Variants in NCALD observed in about 807,000 individuals in gnomAD.
NCALD encodes the protein neurocalcin-delta.
In NCALD, 10 loss-of-function variants were observed where a neutral mutation model predicts 18.6. The ratio of observed to expected loss-of-function variants is 0.54; its 90% CI spans 0.33 to 0.91. The LOEUF is 0.91. Ranked by LOEUF, NCALD falls within the 40% of genes least tolerant of loss-of-function variation. NCALD has a pLI of 0.03. For missense variants in NCALD, 184 were observed against 247.6 expected (o/e 0.74, Z 1.72); for synonymous variants, 88 against 87.4 (o/e 1.01, Z -0.04).
intron 4 of NCALD, among the ~76,000 whole-genome samples, chr8:101,868,899 C>T (rs756364873): frequency 2.0e-5 from 3 of 152,218 alleles, no homozygotes; most frequent in East Asian, 3.9e-4. Context: ...CATTGCTTTG[C>T]TGTGTATTTT....
intron 2 of NCALD, among the ~76,000 whole-genome samples, chr8:101,996,188 TGAAGA>T (rs1821233603): frequency 6.6e-6 from 1 of 152,340 alleles, no homozygotes; most frequent in African/African-American, 2.4e-5. Context: ...TCAGGAGACC[TGAAGA>T]GAATTCTAAA....
At chr8:102,055,994 T>G (rs982005981) in intron 1 of NCALD, among the ~76,000 whole-genome samples, 24 of 152,320 alleles carry the variant, frequency 1.6e-4, no homozygotes, top group African/African-American at 5.8e-4. Flanking sequence ...AGTGATCTTT[T>G]AGAGTGTCAT....
At chr8:101,886,081 G>C (rs919871627) in intron 4 of NCALD, among the ~76,000 whole-genome samples, 2 of 151,682 alleles carry the variant, frequency 1.3e-5, no homozygotes, top group African/African-American at 4.8e-5. Flanking sequence ...ATGCCATGAG[G>C]GAAAAAAAAC....
At position 102,093,361 on chromosome 8, in the gene NCALD, G is replaced by C. The variant is rs546583615; in HGVS notation, c.-210+30876C>G. Among the ~76,000 whole-genome samples, 13 of 152,208 alleles carry C rather than the reference G, an allele frequency of 8.5e-5. No homozygotes were observed. In the South Asian group the frequency reaches 2.1e-3, roughly 24 times the overall value. On this transcript the variant is annotated intron_variant, in intron 1 of 6. Transcript: ENST00000311028. ...TGAAGGGGGTTATCAAATGCATTGA[G>C]AGAACTGACTCAGAGATTGCTAGCT...
intron 1 of NCALD, among the ~76,000 whole-genome samples, chr8:102,083,940 T>C (rs1366387152): frequency 1.3e-5 from 2 of 152,252 alleles, no homozygotes; most frequent in Non-Finnish European, 2.9e-5. Flanking sequence ...GCACTGGGTA[T>C]GTAACCTTGT....
chr8:101,833,323 A>G (rs750527326), intron 4 of NCALD, among the ~76,000 whole-genome samples: 4 of 152,230 alleles, frequency 2.6e-5, no homozygotes, highest in South Asian at 2.1e-4. Flanking sequence ...TTTGAGCACC[A>G]AGAGGCTAGA....
At chr8:101,996,963 A>G (rs958939272) in intron 2 of NCALD, among the ~76,000 whole-genome samples, 10 of 152,234 alleles carry the variant, frequency 6.6e-5, no homozygotes, top group African/African-American at 2.4e-4. Flanking sequence ...CTGCTCGAAC[A>G]CTTTGCACAG....
chr8:101,950,734 T>C (rs1428369365), intron 2 of NCALD, among the ~76,000 whole-genome samples: 1 of 152,210 alleles, frequency 6.6e-6, no homozygotes, highest in East Asian at 1.9e-4. Flanking sequence ...AGAATTCCTG[T>C]GTAGCCTGTT....
chr8:101,840,061 G>T (rs1264933), intron 4 of NCALD, among the ~76,000 whole-genome samples: 1 of 151,234 alleles, frequency 6.6e-6, no homozygotes, highest in South Asian at 2.1e-4. Flanking sequence ...ATAAGGAAAT[G>T]AAGTACTCTT....
At chr8:102,038,507 C>T (rs575430191) in intron 1 of NCALD, among the ~76,000 whole-genome samples, 1 of 152,300 alleles carries the variant, frequency 6.6e-6, no homozygotes, top group South Asian at 2.1e-4. Flanking sequence ...TGGCAATTTA[C>T]ACCACCTGGC....
chr8:101,953,698 G>A (rs1446743554), intron 2 of NCALD, among the ~76,000 whole-genome samples: 1 of 152,252 alleles, frequency 6.6e-6, no homozygotes, highest in East Asian at 1.9e-4. Context: ...CTTAGGCCAA[G>A]GTGCTATTAT....
At chr8:101,856,388 G>A (rs1212938820) in intron 4 of NCALD, among the ~76,000 whole-genome samples, 1 of 152,078 alleles carries the variant, frequency 6.6e-6, no homozygotes, top group Non-Finnish European at 1.5e-5. Flanking sequence ...GCCCAGGCTG[G>A]CCTTGAACTC....
At chr8:102,050,752 T>C (rs1823415387) in intron 1 of NCALD, among the ~76,000 whole-genome samples, 1 of 146,788 alleles carries the variant, frequency 6.8e-6, no homozygotes, top group African/African-American at 2.5e-5. Context: ...ATATAATTTA[T>C]ATATAAATAT....
chr8:102,012,806 G>A, intron 2 of NCALD, among the ~76,000 whole-genome samples: 1 of 152,018 alleles, frequency 6.6e-6, no homozygotes, highest in African/African-American at 2.4e-5. Flanking sequence ...CCTTTAAAAG[G>A]GCTTCAGGAC....
At chr8:101,891,229 C>T (rs1372016170) in intron 3 of NCALD, among the ~76,000 whole-genome samples, 1 of 152,152 alleles carries the variant, frequency 6.6e-6, no homozygotes, top group Non-Finnish European at 1.5e-5. Context: ...TCCATCACCA[C>T]ACAGAACTCC....
intron 1 of NCALD, among the ~76,000 whole-genome samples, chr8:102,036,780 C>A (rs187699981): frequency 0.013 from 1,964 of 151,816 alleles, 18 homozygotes; most frequent in African/African-American, 0.02. Context: ...ACAACAACAA[C>A]AAAAAAATAT....
At chr8:101,757,991 A>C (rs1403898711) in intron 1 of NCALD, among the ~76,000 whole-genome samples, 1 of 152,122 alleles carries the variant, frequency 6.6e-6, no homozygotes, top group African/African-American at 2.4e-5. Flanking sequence ...GGGTCTGGCC[A>C]TGTTGCCCAG....
At chr8:101,703,144 C>T (rs1004547929) in intron 2 of NCALD, among the ~76,000 whole-genome samples, 1 of 136,868 alleles carries the variant, frequency 7.3e-6, no homozygotes, top group African/African-American at 2.6e-5. Context: ...GCTGCGTTCT[C>T]TGTTCCTCTT....
At chr8:101,743,037 A>G (rs1810279026) in intron 1 of NCALD, among the ~76,000 whole-genome samples, 2 of 152,196 alleles carry the variant, frequency 1.3e-5, no homozygotes, top group African/African-American at 4.8e-5. Flanking sequence ...GATTCTAAAT[A>G]TATATTTACA....
Sources: gnomAD v4.1 joint callset for allele counts (sites outside exome capture counted in the v4.1 genomes callset) on GRCh38, gnomAD v4.1.1 for gene constraint, MANE v1.5 for transcripts, NCBI Gene and HGNC (gene_info 2026-07-23, HGNC 2026-07-21) for gene names.